Variants in PLXNC1 observed in about 807,000 individuals in gnomAD.
PLXNC1 encodes plexin-C1.
In PLXNC1, 75 loss-of-function variants were observed where a neutral mutation model predicts 178.2. That is an observed-to-expected ratio of 0.42 (90% CI 0.35 to 0.51). PLXNC1 has a LOEUF of 0.51. Among genes scored for constraint, PLXNC1 ranks in the 20% least tolerant of loss-of-function variants. PLXNC1 has a pLI of 0.02. For missense variants in PLXNC1, 1,503 were observed against 1,984.4 expected, an observed-to-expected ratio of 0.76 and a Z score of 4.61; for synonymous variants, 790 against 779.9, an observed-to-expected ratio of 1.01 and a Z score of -0.22.
intron 9 of PLXNC1, among the ~76,000 whole-genome samples, chr12:94,230,114 T>A (rs1231142185): frequency 1.3e-5 from 2 of 152,160 alleles, no homozygotes; most frequent in Non-Finnish European, 2.9e-5. Flanking sequence ...CCATTCTCCA[T>A]CTCTGATGCC....
chr12:94,271,330 G>A (rs1445112948), intron 21 of PLXNC1, among the ~76,000 whole-genome samples: 1 of 152,220 alleles, frequency 6.6e-6, no homozygotes, highest in Non-Finnish European at 1.5e-5. Flanking sequence ...ATATGGTTGA[G>A]GAGACAGTGA....
intron 4 of PLXNC1, among the ~76,000 whole-genome samples, chr12:94,200,511 G>A (rs1963080817): frequency 6.6e-6 from 1 of 152,122 alleles, no homozygotes; most frequent in African/African-American, 2.4e-5. Context: ...GCCAAATGTG[G>A]GATTTGATAT....
At chr12:94,293,769 C>T (rs564935442) in intron 23 of PLXNC1, among the ~76,000 whole-genome samples, 38 of 152,264 alleles carry the variant, frequency 2.5e-4, no homozygotes, top group Middle Eastern at 6.8e-3. Context: ...CAGGTGTGCA[C>T]CAATGCGCCC....
chr12:94,177,214 TGTGTGTATATATATAC>T (rs1225937523), intron 2 of PLXNC1, among the ~76,000 whole-genome samples: 200 of 78,876 alleles, frequency 2.5e-3, no homozygotes, highest in African/African-American at 9.6e-3. Context: ...TATATATATG[TGTGTGTATATATATAC>T]ATATATATAT....
At chr12:94,294,919 C>T (rs143067615) in intron 24 of PLXNC1, among the ~76,000 whole-genome samples, 59 of 152,276 alleles carry the variant, frequency 3.9e-4, no homozygotes, top group African/African-American at 1.3e-3. Context: ...CCGAAGCAAG[C>T]GCTGAACAAA....
intron 27 of PLXNC1, among the ~76,000 whole-genome samples, chr12:94,299,024 G>A (rs1293932655): frequency 1.3e-5 from 2 of 152,132 alleles, no homozygotes; most frequent in African/African-American, 4.8e-5. Flanking sequence ...TGTTATCTTT[G>A]GTGCATGATA....
chr12:94,283,351 TGAGAGGGGCAATG>T (rs574065465), intron 23 of PLXNC1, among the ~76,000 whole-genome samples: 114 of 151,938 alleles, frequency 7.5e-4, no homozygotes, highest in African/African-American at 2.7e-3. Flanking sequence ...AGTCAAAACT[TGAGAGGGGCAATG>T]GAGAGGGGGA....
At chr12:94,282,519 G>C in intron 23 of PLXNC1, 118 bp downstream of exon 23, 1 of 699,248 alleles carries the variant, frequency 1.4e-6, no homozygotes, top group East Asian at 2.7e-5. Context: ...CAGATCGATC[G>C]TGTCTGGGGC....
At chr12:94,203,233 T>A (rs115624634) in intron 4 of PLXNC1, among the ~76,000 whole-genome samples, 72 of 152,286 alleles carry the variant, frequency 4.7e-4, no homozygotes, top group East Asian at 4.0e-3. Context: ...GTTCCCAACA[T>A]GTGTGACTAG....
chr12:94,173,656 C>T (rs1368543841), intron 2 of PLXNC1, among the ~76,000 whole-genome samples: 4 of 152,138 alleles, frequency 2.6e-5, no homozygotes, highest in South Asian at 2.1e-4. Context: ...TCCCAGAGCC[C>T]GAGCTTCTAT....
rs1181590932 is a variant in PLXNC1 at position 94,303,779 on chromosome 12, C to G, written c.4410C>G (p.Leu1470=). ...LGKEAPTNKL[L]YAKDIPTYKE... Reference sequence around the variant, plus strand: ...AGGAAGCACCAACTAATAAGCTTCTCTATGCCAAGGATATCCCAACCTACA... The same window carrying G: ...AGGAAGCACCAACTAATAAGCTTCTGTATGCCAAGGATATCCCAACCTACA... Residue 1470 remains leucine (L), a synonymous_variant, in exon 29 of 31, where the codon CTC becomes CTG. Transcript: ENST00000258526. The G allele has an allele frequency of 2.1e-6, 3 of 1,420,932 alleles. No homozygotes were observed. The highest frequency in any genetic ancestry group is 2.1e-5 in the Admixed American group (1 of 47,136). 88.0% of individuals were successfully genotyped at this position (1,420,932 alleles called of 1,614,324 possible). A position where few individuals can be genotyped will look rare whatever the true frequency, so the allele number is the denominator to read the frequency against.
rs182416207 is a variant in PLXNC1, at chr12:94,274,511, G to A, written c.3598-4961G>A. On this transcript the variant is annotated intron_variant, in intron 21 of 30. Coordinates refer to ENST00000258526, the MANE Select transcript of PLXNC1 (RefSeq NM_005761.3). ...GAGGAGGGATGGCTGCTGGTTGGACGACAAACCAGATCTGCCACCGCAGCT... is the reference window on the plus strand; with the variant it reads ...GAGGAGGGATGGCTGCTGGTTGGACAACAAACCAGATCTGCCACCGCAGCT... Among the ~76,000 whole-genome samples, 15 of 152,212 alleles carry A rather than the reference G, an allele frequency of 9.9e-5. No individual in the cohort carries two copies. In the East Asian group the frequency reaches 1.9e-3, roughly 20 times the overall value.
chr12:94,258,986 A>G (rs1411071109), intron 17 of PLXNC1, among the ~76,000 whole-genome samples: 2 of 152,226 alleles, frequency 1.3e-5, no homozygotes, highest in African/African-American at 2.4e-5. Context: ...TTAGAAGGTA[A>G]ATTGCTTGAA....
At chr12:94,230,253 T>A (rs4761594) in intron 9 of PLXNC1, among the ~76,000 whole-genome samples, 119,967 of 152,232 alleles carry the variant, frequency 0.79, 47,572 homozygotes, top group East Asian at 0.93. Flanking sequence ...CTGGAAATTC[T>A]TCCAAGTTCT....
chr12:94,225,989 C>A (rs571216778), intron 7 of PLXNC1, among the ~76,000 whole-genome samples: 1 of 152,352 alleles, frequency 6.6e-6, no homozygotes, highest in South Asian at 2.1e-4. Context: ...CCTCTGGCCT[C>A]CCTTGGCCCT....
chr12:94,183,834 A>C (rs985533959), intron 3 of PLXNC1, among the ~76,000 whole-genome samples: 10 of 152,180 alleles, frequency 6.6e-5, no homozygotes, highest in Non-Finnish European at 8.8e-5. Context: ...CTGGGCATCA[A>C]AGCTGGTTAG....
chr12:94,232,282 T>C (rs1162514310), intron 9 of PLXNC1, among the ~76,000 whole-genome samples: 1 of 152,176 alleles, frequency 6.6e-6, no homozygotes, highest in Non-Finnish European at 1.5e-5. Flanking sequence ...AGAGACAGGG[T>C]TTCACCATGT....
intron 23 of PLXNC1, among the ~76,000 whole-genome samples, chr12:94,284,584 A>G (rs1414271925): frequency 6.6e-6 from 1 of 152,018 alleles, no homozygotes; most frequent in African/African-American, 2.4e-5. Flanking sequence ...ATTCTATCCT[A>G]TAGCAGTCCT....
chr12:94,202,069 A>T (rs1963147314), intron 4 of PLXNC1, among the ~76,000 whole-genome samples: 1 of 151,298 alleles, frequency 6.6e-6, no homozygotes, highest in South Asian at 2.1e-4. Context: ...TCTTCCTACT[A>T]CTCTTGACCC....
Sources: gnomAD v4.1 joint callset for allele counts (sites outside exome capture counted in the v4.1 genomes callset) on GRCh38, gnomAD v4.1.1 for gene constraint, MANE v1.5 for transcripts, NCBI Gene and HGNC (gene_info 2026-07-23, HGNC 2026-07-21) for gene names.